ABI3BP: variants seen among roughly 807,000 people sequenced by gnomAD.
ABI3BP encodes the protein ABI family member 3 binding protein, also known as target of Nesh-SH3.
A neutral mutation model predicts 268.6 loss-of-function variants in ABI3BP; 216 were observed. The ratio of observed to expected loss-of-function variants is 0.80; its 90% confidence interval spans 0.72 to 0.90. The LOEUF is 0.90. Among genes scored for constraint, ABI3BP ranks in the 40% least tolerant of loss-of-function variants. The pLI, the probability that ABI3BP is intolerant of heterozygous loss-of-function variation, is 0.00. For missense variants in ABI3BP, 2,090 were observed against 2,182.4 expected (o/e 0.96, Z 0.84); for synonymous variants, 730 against 730.0 (o/e 1.00, Z 0.00).
intron 17 of ABI3BP, 60 bp downstream of exon 17, chr3:100,849,985 G>T (rs2098819693): frequency 1.4e-6 from 2 of 1,415,754 alleles, no homozygotes; most frequent in African/African-American, 1.4e-5. Context: ...TGGCCAACAT[G>T]ACTTCTCACA....
chr3:100,872,832 G>A (rs765640457), intron 9 of ABI3BP, among the ~76,000 whole-genome samples: 5 of 152,078 alleles, frequency 3.3e-5, no homozygotes, highest in Admixed American at 6.6e-5. Flanking sequence ...AGAAAATGAA[G>A]TCCAGAGTCA....
At chr3:100,894,790 T>A (rs1295159594) in intron 4 of ABI3BP, among the ~76,000 whole-genome samples, 1 of 151,200 alleles carries the variant, frequency 6.6e-6, no homozygotes, top group African/African-American at 2.4e-5. Context: ...ATACAAAAAA[T>A]TAGCTAGGCA....
chr3:100,949,514 C>T (rs1013831822), intron 1 of ABI3BP, among the ~76,000 whole-genome samples: 7 of 152,192 alleles, frequency 4.6e-5, no homozygotes, highest in Admixed American at 3.9e-4. Flanking sequence ...GATCTGCCCA[C>T]CTTGGCCTCA....
chr3:100,815,798 T>C (rs2098020626), intron 44 of ABI3BP, 114 bp downstream of exon 44: 2 of 672,944 alleles, frequency 3.0e-6, no homozygotes, highest in Admixed American at 6.8e-5. Context: ...AAATGAAGTG[T>C]AGAATGGAAT....
chr3:100,760,675 A>G (rs1446500491), intron 63 of ABI3BP, among the ~76,000 whole-genome samples: 2 of 152,178 alleles, frequency 1.3e-5, no homozygotes, highest in African/African-American at 4.8e-5. Flanking sequence ...CACTGTCCCA[A>G]TAAGCAGTGG....
At chr3:100,815,804 G>T (rs971047523) in intron 44 of ABI3BP, 108 bp downstream of exon 44, 2 of 699,092 alleles carry the variant, frequency 2.9e-6, no homozygotes, top group African/African-American at 3.6e-5. Flanking sequence ...AGTGTAGAAT[G>T]GAATAACAGC....
chr3:100,980,593 G>T (rs547420413), intron 1 of ABI3BP, among the ~76,000 whole-genome samples: 1 of 152,322 alleles, frequency 6.6e-6, no homozygotes, highest in Non-Finnish European at 1.5e-5. Flanking sequence ...ACACGCAAGT[G>T]GGAAAGAAGA....
intron 1 of ABI3BP, among the ~76,000 whole-genome samples, chr3:100,939,812 C>A (rs1420715377): frequency 1.4e-4 from 22 of 151,960 alleles, no homozygotes. Flanking sequence ...CCTAATAAGC[C>A]TGGGAGCACT....
chr3:100,964,055 G>A (rs1345934835), intron 1 of ABI3BP, among the ~76,000 whole-genome samples: 9 of 152,200 alleles, frequency 5.9e-5, no homozygotes, highest in African/African-American at 9.6e-5. Flanking sequence ...GATAGTAAGG[G>A]TATGGGAGTC....
At chr3:100,801,386 T>C (rs1381876170) in intron 51 of ABI3BP, among the ~76,000 whole-genome samples, 2 of 137,012 alleles carry the variant, frequency 1.5e-5, no homozygotes, top group Non-Finnish European at 3.0e-5. Context: ...TATGATTGCA[T>C]CATTACACTC....
intron 1 of ABI3BP, among the ~76,000 whole-genome samples, chr3:100,948,551 G>A (rs953173048): frequency 6.6e-6 from 1 of 152,176 alleles, no homozygotes; most frequent in Non-Finnish European, 1.5e-5. Flanking sequence ...GCAATTGGCA[G>A]AGACAGCCTG....
intron 14 of ABI3BP, among the ~76,000 whole-genome samples, chr3:100,853,731 T>C (rs1028213556): frequency 2.0e-5 from 3 of 152,204 alleles, no homozygotes; most frequent in African/African-American, 7.2e-5. Context: ...CCATCTCCCC[T>C]CGTTATTCCC....
intron 63 of ABI3BP, among the ~76,000 whole-genome samples, chr3:100,762,110 T>C (rs2095998838): frequency 6.6e-6 from 1 of 152,138 alleles, no homozygotes; most frequent in African/African-American, 2.4e-5. Flanking sequence ...ATTATTATTT[T>C]TTTACAGCTA....
intron 1 of ABI3BP, among the ~76,000 whole-genome samples, chr3:100,939,859 T>C (rs976762825): frequency 6.6e-6 from 1 of 152,012 alleles, no homozygotes; most frequent in Non-Finnish European, 1.5e-5. Context: ...CTAGAGTCTA[T>C]AGACCATAGG....
At chr3:100,754,758 A>G (rs1300279936) in intron 63 of ABI3BP, 67 bp from the exon 64 acceptor site, 3 of 1,270,098 alleles carry the variant, frequency 2.4e-6, no homozygotes, top group African/African-American at 1.5e-5. Context: ...ACATTGCCCT[A>G]TTATACGGAC....
At chr3:100,811,603 C>G (rs965464334) in intron 47 of ABI3BP, 125 bp downstream of exon 47, 2 of 921,954 alleles carry the variant, frequency 2.2e-6, no homozygotes, top group African/African-American at 3.3e-5. Context: ...GAAGCTGTAG[C>G]TCCTTCAAAT....
chr3:100,835,436 T>G (rs906570731), intron 28 of ABI3BP, among the ~76,000 whole-genome samples, 165 bp downstream of exon 28: 1 of 152,182 alleles, frequency 6.6e-6, no homozygotes, highest in Non-Finnish European at 1.5e-5. Context: ...ACCAAGTAAC[T>G]TGTTTTAAGC....
chr3:100,985,501 A>T (rs1281575476), intron 1 of ABI3BP, among the ~76,000 whole-genome samples: 3 of 152,098 alleles, frequency 2.0e-5, no homozygotes, highest in Admixed American at 1.3e-4. Context: ...GGTGTTCATT[A>T]CCTACTATGT....
intron 14 of ABI3BP, among the ~76,000 whole-genome samples, chr3:100,854,941 T>TC (rs929895558): frequency 5.4e-5 from 8 of 148,548 alleles, no homozygotes; most frequent in Non-Finnish European, 1.2e-4. Flanking sequence ...TTTTTTTTTT[T>TC]CTCCAGATGG....
Sources: allele counts gnomAD v4.1 joint callset (sites outside exome capture counted in the v4.1 genomes callset), GRCh38; gene constraint gnomAD v4.1.1; transcripts MANE v1.5; gene names NCBI Gene and HGNC (gene_info 2026-07-23, HGNC 2026-07-21).